CYP51A1: variants seen among roughly 807,000 people sequenced by gnomAD.
CYP51A1 encodes the protein lanosterol 14-alpha demethylase.
In CYP51A1, 45 loss-of-function variants were observed where a neutral mutation model predicts 53.5. That is an observed-to-expected ratio of 0.84 (90% CI 0.66 to 1.08). The LOEUF (loss-of-function observed/expected upper bound fraction) is 1.08. Ranked by LOEUF, CYP51A1 falls within the 50% of genes least tolerant of loss-of-function variation. The probability of loss-of-function intolerance (pLI) is 0.00; values close to 1 mark genes in which losing one functional copy is unlikely to be tolerated. For missense variants in CYP51A1, 462 were observed against 621.7 expected, an observed-to-expected ratio of 0.74 and a Z score of 2.73; for synonymous variants, 181 against 217.7, an observed-to-expected ratio of 0.83 and a Z score of 1.48.
Position 92,134,164 on chromosome 7 carries a change from T to G in CYP51A1, c.192+9A>C, listed in dbSNP as rs1164261293. On this transcript the variant is annotated intron_variant, in intron 1 of 9. Coordinates refer to ENST00000003100, the MANE Select transcript of CYP51A1 (RefSeq NM_000786.4). ...CGCGCCCCACTCAGACCCTAAAGAATGTACGTACCACCCCTGCGGGCAGCT... is the reference window on the plus strand; with the variant it reads ...CGCGCCCCACTCAGACCCTAAAGAAGGTACGTACCACCCCTGCGGGCAGCT... 1 of 1,611,034 alleles carries G rather than the reference T, an allele frequency of 6.2e-7. No homozygotes were observed. Among genetic ancestry groups the G allele is most frequent in the East Asian group, 2.2e-5 (1 of 44,848 alleles).
chr7:92,119,195 TAA>T (rs1304331881), intron 7 of CYP51A1, among the ~76,000 whole-genome samples: 1 of 152,144 alleles, frequency 6.6e-6, no homozygotes, highest in Non-Finnish European at 1.5e-5. Flanking sequence ...CAGTTGGTGC[TAA>T]GAGACAGAAC....
chr7:92,116,864 C>G (rs758026778), intron 9 of CYP51A1, among the ~76,000 whole-genome samples, 180 bp downstream of exon 9: 15 of 152,094 alleles, frequency 9.9e-5, no homozygotes, highest in Non-Finnish European at 2.1e-4. Context: ...GGAACAATTC[C>G]ATTTGGTACA....
rs74916286 is a variant in CYP51A1, at chr7:92,133,169, C to T, written c.192+1004G>A. 3.1e-3 allele frequency among the ~76,000 whole-genome samples: 477 copies of T among 152,254 alleles called. 26 individuals are homozygous for T. In the East Asian group the frequency reaches 0.086, roughly 27 times the overall value. ...TCAGTAAAAGGGTAGTTTTCAAAAG[C>T]TACTTATTGCTGACTGTAAAAGGCA... is the stretch of plus-strand genomic sequence containing the variant. On this transcript the variant is annotated intron_variant, in intron 1 of 9. Coordinates refer to ENST00000003100, the MANE Select transcript of CYP51A1 (RefSeq NM_000786.4).
chr7:92,119,778 A>G (rs923150128), intron 7 of CYP51A1, among the ~76,000 whole-genome samples: 4 of 152,196 alleles, frequency 2.6e-5, no homozygotes, highest in Non-Finnish European at 5.9e-5. Context: ...TTTAATAGAA[A>G]CTATCCATGA....
intron 3 of CYP51A1, among the ~76,000 whole-genome samples, chr7:92,128,451 T>G (rs1013829936): frequency 6.8e-6 from 1 of 148,020 alleles, no homozygotes; most frequent in Non-Finnish European, 1.5e-5. Context: ...TGTGTGTGTG[T>G]GTGTGCGCGT....
chr7:92,128,855 T>C, intron 3 of CYP51A1, 25 bp downstream of exon 3: 1 of 1,593,844 alleles, frequency 6.3e-7, no homozygotes, highest in Non-Finnish European at 8.6e-7. Flanking sequence ...GATTTGTCTT[T>C]ATTTATGGTA....
chr7:92,130,887 G>T (rs1397705834), intron 2 of CYP51A1, among the ~76,000 whole-genome samples: 1 of 152,160 alleles, frequency 6.6e-6, no homozygotes, highest in Non-Finnish European at 1.5e-5. Context: ...GAACATAATA[G>T]GACTGTGGAG....
At position 92,113,628 on chromosome 7, in the gene CYP51A1, A is replaced by G. The variant is rs766927510; in HGVS notation, c.*37T>C. Reference sequence around the variant, plus strand: ...CTCTTCGAATGCCTTTGTGGCTTACAGTGATAATCACATATATTCGTTCCT... The same window carrying G: ...CTCTTCGAATGCCTTTGTGGCTTACGGTGATAATCACATATATTCGTTCCT... On this transcript the variant is annotated 3_prime_UTR_variant, in exon 10 of 10. Transcript: ENST00000003100. The G allele has an allele frequency of 2.5e-6, 4 of 1,583,360 alleles. No individual in the cohort carries two copies. The highest frequency in any genetic ancestry group is 3.5e-6 in the Non-Finnish European group (4 of 1,157,402).
chr7:92,133,596 G>A (rs1358947657), intron 1 of CYP51A1, among the ~76,000 whole-genome samples: 1 of 152,074 alleles, frequency 6.6e-6, no homozygotes, highest in African/African-American at 2.4e-5. Flanking sequence ...AGCATCAGAG[G>A]AAGGCCCTTA....
Position 92,113,736 on chromosome 7 carries a change from TG to T in CYP51A1, c.1458del (p.Thr487LeufsTer2). 1 of 1,613,066 alleles carries T rather than the reference TG, an allele frequency of 6.2e-7. No individual in the cohort carries two copies. The highest frequency in any genetic ancestry group is 8.5e-7 in the Non-Finnish European group (1 of 1,179,506). On this transcript the variant is annotated frameshift_variant, in exon 10 of 10. Coordinates refer to ENST00000003100, the MANE Select transcript of CYP51A1 (RefSeq NM_000786.4). LOFTEE classifies it high-confidence loss of function. ...YEFDLIDGYFPTVNYTTMIHT... is the reference protein window; with the variant it reads ...YEFDLIDGYFXTVNYTTMIHT... ...TGAATCATAGTTGTATAATTCACAGTGGGAAAGTATCCATCAATGAGATCAA... is the reference window on the plus strand; with the variant it reads ...TGAATCATAGTTGTATAATTCACAGTGGAAAGTATCCATCAATGAGATCAA...
intron 5 of CYP51A1, among the ~76,000 whole-genome samples, chr7:92,125,039 G>A (rs1819769262): frequency 6.6e-6 from 1 of 151,640 alleles, no homozygotes; most frequent in South Asian, 2.1e-4. Context: ...AGCTACTCGG[G>A]AGGCTGAGGC....
chr7:92,124,338 A>G (rs778992956), intron 5 of CYP51A1, among the ~76,000 whole-genome samples: 4 of 152,252 alleles, frequency 2.6e-5, no homozygotes, highest in Admixed American at 1.3e-4. Flanking sequence ...TAGCAGATTC[A>G]GAAAACAAGC....
In CYP51A1 at chr7:92,112,613, A is replaced by C. The variant is rs901622275; in HGVS notation, c.*1052T>G. ...GGGAGGCCAAGGCGGGTGGATCACG[A>C]GGTCAGGAGTTCAAGACCAGCCTAG... On this transcript the variant is annotated 3_prime_UTR_variant, in exon 10 of 10. Coordinates refer to ENST00000003100, the MANE Select transcript of CYP51A1 (RefSeq NM_000786.4). 1 of 152,166 alleles carries C rather than the reference A, an allele frequency of 6.6e-6. No individual in the cohort carries two copies. The highest frequency in any genetic ancestry group is 2.4e-5 in the African/African-American group (1 of 41,424). 9.4% of individuals were successfully genotyped at this position (152,166 alleles called of 1,614,324 possible).
intron 3 of CYP51A1, 91 bp from the exon 4 acceptor site, chr7:92,127,722 T>A: frequency 7.9e-7 from 1 of 1,265,300 alleles, no homozygotes; most frequent in Non-Finnish European, 1.1e-6. Context: ...TATGTAACAC[T>A]AACACAAGTA....
intron 9 of CYP51A1, among the ~76,000 whole-genome samples, chr7:92,115,546 A>G (rs1819565661): frequency 6.6e-6 from 1 of 152,226 alleles, no homozygotes; most frequent in Admixed American, 6.5e-5. Context: ...AAGGAGGAGC[A>G]CGGTCCTGCC....
At chr7:92,130,462 C>G (rs906933840) in intron 2 of CYP51A1, among the ~76,000 whole-genome samples, 3 of 152,154 alleles carry the variant, frequency 2.0e-5, no homozygotes, top group Non-Finnish European at 4.4e-5. Context: ...GGCTTGGCCA[C>G]TGTCTAGCAG....
intron 6 of CYP51A1, 82 bp downstream of exon 6, chr7:92,123,652 T>G: frequency 7.3e-7 from 1 of 1,368,090 alleles, no homozygotes; most frequent in South Asian, 1.4e-5. Context: ...CATCACTGTT[T>G]TTTAACTGGA....
chr7:92,127,692 T>A, intron 3 of CYP51A1, 61 bp from the exon 4 acceptor site: 1 of 1,537,220 alleles, frequency 6.5e-7, no homozygotes, highest in Non-Finnish European at 9.0e-7. Flanking sequence ...TATCATAAAA[T>A]CCATTTAGGT....
Position 92,134,392 on chromosome 7 carries a change from A to G in CYP51A1, c.-28T>C, listed in dbSNP as rs755190129. 1.4e-5 allele frequency: 22 copies of G among 1,538,290 alleles called. No individual in the cohort carries two copies. Among genetic ancestry groups the G allele is most frequent in the Non-Finnish European group, 1.8e-5 (20 of 1,137,558 alleles). ...ACTCCGTCGGAAACACTGAAGGCCG[A>G]GGTCGCCACCGCTCCTCCCAATCGA... On this transcript the variant is annotated 5_prime_UTR_variant, in exon 1 of 10. Coordinates refer to ENST00000003100, the MANE Select transcript of CYP51A1 (RefSeq NM_000786.4).
Sources: gnomAD v4.1 joint callset for allele counts (sites outside exome capture counted in the v4.1 genomes callset) on GRCh38, gnomAD v4.1.1 for gene constraint, MANE v1.5 for transcripts, NCBI Gene and HGNC (gene_info 2026-07-23, HGNC 2026-07-21) for gene names.